The following BICC1 variants were observed in gnomAD, a reference collection of about 807,000 sequenced individuals.
The protein encoded by BICC1 is BicC family RNA binding protein 1, also known as protein bicaudal C homolog 1.
BICC1 carries 43 observed loss-of-function variants against 111.0 expected under a neutral mutation model. The ratio of observed to expected loss-of-function variants is 0.39; its 90% CI spans 0.30 to 0.50. The LOEUF (loss-of-function observed/expected upper bound fraction) is 0.50. Among genes scored for constraint, BICC1 ranks in the 20% least tolerant of loss-of-function variants. The pLI is 0.88. For missense variants in BICC1, 1,091 were observed against 1,203.2 expected, an observed-to-expected ratio of 0.91 and a Z score of 1.38; for synonymous variants, 467 against 434.4, an observed-to-expected ratio of 1.07 and a Z score of -0.93.
chr10:58,633,519 T>C (rs1837861211), intron 2 of BICC1, among the ~76,000 whole-genome samples: 1 of 152,242 alleles, frequency 6.6e-6, no homozygotes, highest in Non-Finnish European at 1.5e-5. Flanking sequence ...TAACTATGCT[T>C]TGAAACATGA....
intron 20 of BICC1, chr10:58,824,136 G>A: frequency 1.0e-6 from 1 of 978,604 alleles, no homozygotes; most frequent in Non-Finnish European, 1.2e-6. Flanking sequence ...TATTCCTGAT[G>A]CCTTGGTTGG....
chr10:58,594,891 A>AAATG (rs1194001873), intron 1 of BICC1, among the ~76,000 whole-genome samples: 2 of 151,768 alleles, frequency 1.3e-5, no homozygotes, highest in Admixed American at 1.3e-4. Flanking sequence ...ACCTAAATGT[A>AAATG]GGCTAAATGC....
intron 1 of BICC1, among the ~76,000 whole-genome samples, chr10:58,544,055 G>A (rs1376279554): frequency 2.0e-5 from 3 of 152,022 alleles, no homozygotes; most frequent in African/African-American, 7.2e-5. Context: ...GTGTTTCACA[G>A]GGTGAATGCC....
chr10:58,805,003 T>A (rs574245601), intron 15 of BICC1, among the ~76,000 whole-genome samples: 14 of 152,272 alleles, frequency 9.2e-5, no homozygotes, highest in African/African-American at 2.6e-4. Context: ...CTCCTAAGAC[T>A]GCAAGTCAGC....
chr10:58,691,531 A>G (rs1353898310), intron 2 of BICC1, among the ~76,000 whole-genome samples: 1 of 152,210 alleles, frequency 6.6e-6, no homozygotes, highest in Non-Finnish European at 1.5e-5. Context: ...GAGGTCAAAA[A>G]GTGGGACCCA....
At chr10:58,735,821 C>T (rs1319542299) in intron 3 of BICC1, among the ~76,000 whole-genome samples, 2 of 152,168 alleles carry the variant, frequency 1.3e-5, no homozygotes, top group Non-Finnish European at 2.9e-5. Context: ...CTTTATACTA[C>T]AAGGTAACTG....
At chr10:58,565,709 C>T (rs1843733577) in intron 1 of BICC1, among the ~76,000 whole-genome samples, 1 of 152,146 alleles carries the variant, frequency 6.6e-6, no homozygotes, top group Non-Finnish European at 1.5e-5. Flanking sequence ...TTGCTATCTT[C>T]TTTGACTGAT....
chr10:58,796,194 A>G (rs2132846019), intron 9 of BICC1, 146 bp from the exon 10 acceptor site: 1 of 684,556 alleles, frequency 1.5e-6, no homozygotes, highest in Non-Finnish European at 2.5e-6. Context: ...AAGTGGTTAG[A>G]ATTTGCAGAT....
intron 3 of BICC1, among the ~76,000 whole-genome samples, chr10:58,768,823 A>G (rs1197210926): frequency 7.9e-5 from 12 of 152,132 alleles, no homozygotes; most frequent in African/African-American, 2.9e-4. Flanking sequence ...TAAAGAATCA[A>G]ACCATACCAC....
chr10:58,536,311 A>T (rs1269124066), intron 1 of BICC1, among the ~76,000 whole-genome samples: 2 of 151,780 alleles, frequency 1.3e-5, no homozygotes, highest in African/African-American at 4.8e-5. Flanking sequence ...TCTCCAAAAT[A>T]GATCATATGT....
At chr10:58,820,299 G>A (rs1844216926) in intron 19 of BICC1, 70 bp from the exon 20 acceptor site, 1 of 1,034,582 alleles carries the variant, frequency 9.7e-7, no homozygotes, top group African/African-American at 1.6e-5. Flanking sequence ...GTGACAACAA[G>A]TTGATCCTAC....
chr10:58,734,299 A>G (rs142710700), intron 3 of BICC1, among the ~76,000 whole-genome samples: 1 of 152,350 alleles, frequency 6.6e-6, no homozygotes, highest in African/African-American at 2.4e-5. Context: ...AAAAATGTTC[A>G]TTCTGGAAAA....
chr10:58,615,035 A>G (rs1485480277), intron 1 of BICC1, among the ~76,000 whole-genome samples: 2 of 151,730 alleles, frequency 1.3e-5, no homozygotes, highest in East Asian at 2.0e-4. Context: ...TTTTAAAACT[A>G]TTTTTAGCCT....
In BICC1 at chr10:58,553,081, T is replaced by G. The variant is rs549209284; in HGVS notation, c.190+39748T>G. On this transcript the variant is annotated intron_variant, in intron 1 of 20. Transcript: ENST00000373886. ...AATTGACCCCCATAGGGCTTGTTCA[T>G]CCCTATAATCTGTTAATAGACTCTC... 5.9e-5 allele frequency among the ~76,000 whole-genome samples: 9 copies of G among 152,290 alleles called. No individual in the cohort carries two copies. In the South Asian group the frequency reaches 1.9e-3, roughly 32 times the overall value.
chr10:58,682,601 C>T (rs951382589), intron 2 of BICC1, among the ~76,000 whole-genome samples: 43 of 152,150 alleles, frequency 2.8e-4, no homozygotes, highest in African/African-American at 9.2e-4. Context: ...TTTTGATTTG[C>T]ATTTCTCTGA....
At chr10:58,555,745 T>A (rs1389996448) in intron 1 of BICC1, among the ~76,000 whole-genome samples, 1 of 152,116 alleles carries the variant, frequency 6.6e-6, no homozygotes, top group Non-Finnish European at 1.5e-5. Flanking sequence ...TTTTAATGAT[T>A]AAATGGAAAT....
intron 1 of BICC1, among the ~76,000 whole-genome samples, chr10:58,603,214 C>T (rs1845099451): frequency 6.6e-6 from 1 of 152,090 alleles, no homozygotes; most frequent in African/African-American, 2.4e-5. Flanking sequence ...GAATTGTTTC[C>T]TCACATTTCT....
chr10:58,625,152 G>A (rs962572015), intron 2 of BICC1, among the ~76,000 whole-genome samples: 3 of 152,168 alleles, frequency 2.0e-5, no homozygotes, highest in African/African-American at 4.8e-5. Context: ...GTCCACTCCT[G>A]ATGGCAGCTC....
At chr10:58,808,751 AC>A (rs1409535902) in intron 17 of BICC1, among the ~76,000 whole-genome samples, 1 of 150,014 alleles carries the variant, frequency 6.7e-6, no homozygotes, top group East Asian at 2.0e-4. Flanking sequence ...GTCTCACTCA[AC>A]CCCCCTAAGC....
Sources: allele counts gnomAD v4.1 joint callset (sites outside exome capture counted in the v4.1 genomes callset), GRCh38; gene constraint gnomAD v4.1.1; transcripts MANE v1.5; gene names NCBI Gene and HGNC (gene_info 2026-07-23, HGNC 2026-07-21).